Variants in MT1F observed in about 807,000 individuals in gnomAD.
MT1F encodes metallothionein-1F.
A neutral mutation model predicts 5.4 loss-of-function variants in MT1F; 6 were observed. The observed-to-expected ratio is 1.11, with a 90% confidence interval of 0.61 to 2.19. The LOEUF (loss-of-function observed/expected upper bound fraction) is 2.19, where lower values mean the gene tolerates loss of function less well. Among genes scored for constraint, MT1F ranks in the 30% most tolerant of loss-of-function variants. The pLI is 0.00. For missense variants in MT1F, 82 were observed against 77.0 expected, an observed-to-expected ratio of 1.07 and a Z score of -0.24; for synonymous variants, 28 against 28.3, an observed-to-expected ratio of 0.99 and a Z score of 0.04.
At chr16:56,658,918 C>A in intron 2 of MT1F, 155 bp from the exon 3 acceptor site, 2 of 1,048,488 alleles carry the variant, frequency 1.9e-6, no homozygotes, top group African/African-American at 1.6e-5. Context: ...CATAGGAAGA[C>A]CCACCCCAGA....
At chr16:56,658,814 G>T (rs1439827787) in intron 2 of MT1F, 74 bp downstream of exon 2, 2 of 1,560,306 alleles carry the variant, frequency 1.3e-6, no homozygotes, top group Non-Finnish European at 1.8e-6. Context: ...GGCCCTGAGT[G>T]CATGCTTCTG....
intron 1 of MT1F, chr16:56,658,436 G>A (rs1597076287): frequency 3.3e-6 from 2 of 598,780 alleles, no homozygotes; most frequent in East Asian, 2.8e-5. Context: ...CGAAGTCGCC[G>A]TCTTCCCAGG....
chr16:56,658,510 A>T (rs935188070), intron 1 of MT1F, 165 bp from the exon 2 acceptor site: 1 of 701,604 alleles, frequency 1.4e-6, no homozygotes, highest in Non-Finnish European at 2.4e-6. Context: ...CCTTCCCAGC[A>T]TGAAGGGAGA....
At chr16:56,658,633 G>C (rs576797656) in intron 1 of MT1F, 42 bp from the exon 2 acceptor site, 38 of 1,608,340 alleles carry the variant, frequency 2.4e-5, no homozygotes, top group Non-Finnish European at 3.0e-5. Context: ...ACCTCCTGCA[G>C]GTCACTCGCC....
At position 56,658,752 on chromosome 16, in the gene MT1F, G is replaced by C. The variant is rs118187843; in HGVS notation, c.94+12G>C. The C allele has an allele frequency of 6.2e-7, 1 of 1,614,080 alleles. No homozygotes were observed. Among genetic ancestry groups the C allele is most frequent in the Non-Finnish European group, 8.5e-7 (1 of 1,180,024 alleles). ...CTCCTGCAAGAAGAGTGAGTGTGAG[G>C]CCATCTCCATGGTCTGGGGCTGTGG... On this transcript the variant is annotated intron_variant, in intron 2 of 2. Coordinates refer to ENST00000334350, the MANE Select transcript of MT1F (RefSeq NM_005949.4).
rs201000842 is a variant in MT1F, at chr16:56,658,641, G to A, written c.29-34G>A. The A allele has an allele frequency of 2.0e-4, 318 of 1,612,796 alleles. 1 individual carries two copies. The African/African-American group carries it at 3.7e-3, about 19-fold the overall frequency. On this transcript the variant is annotated intron_variant, in intron 1 of 2. Coordinates refer to ENST00000334350, the MANE Select transcript of MT1F (RefSeq NM_005949.4). ...CTGCTGTACCTCCTGCAGGTCACTC[G>A]CCGCTCACTGGCTTTTTTTTCTCTT...
intron 2 of MT1F, 106 bp downstream of exon 2, chr16:56,658,846 C>A: frequency 6.9e-7 from 1 of 1,439,288 alleles, no homozygotes; most frequent in Non-Finnish European, 9.8e-7. Context: ...TTCCTTTGTC[C>A]CCGTAGGTTG....
At chr16:56,658,438 C>T in intron 1 of MT1F, 1 of 600,962 alleles carries the variant, frequency 1.7e-6, no homozygotes, top group Non-Finnish European at 2.9e-6. Flanking sequence ...AAGTCGCCGT[C>T]TTCCCAGGCT....
At position 56,659,080 on chromosome 16, in the gene MT1F, C is replaced by T. The variant is rs199945490; in HGVS notation, c.102C>T (p.Cys34=). The T allele has an allele frequency of 1.0e-4, 166 of 1,613,798 alleles. No individual in the cohort carries two copies. The East Asian group carries it at 2.4e-3, about 23-fold the overall frequency. ...CKCTSCKKSC[C]SCCPVGCSKC... The stretch of plus-strand genomic sequence containing the variant: ...GCTCCTCTTCTTCCCCAGGCTGCTG[C>T]TCCTGCTGCCCCGTGGGCTGTAGCA... The change falls in exon 3 of 3, where the codon TGC becomes TGT. Residue 34 remains cysteine, a synonymous_variant. Coordinates refer to ENST00000334350, the MANE Select transcript of MT1F (RefSeq NM_005949.4).
In MT1F at chr16:56,658,925, C is replaced by G. The variant is rs1567351147; in HGVS notation, c.95-148C>G. On this transcript the variant is annotated intron_variant, in intron 2 of 2. Transcript: ENST00000334350. Reference sequence around the variant, plus strand: ...AGCTTTCTCATAGGAAGACCCACCCCAGATATTTCCCAGTTGTCTCCTGAC... The same window carrying G: ...AGCTTTCTCATAGGAAGACCCACCCGAGATATTTCCCAGTTGTCTCCTGAC... 2.9e-6 allele frequency: 3 copies of G among 1,038,610 alleles called. No individual in the cohort carries two copies. In the Admixed American group the frequency reaches 5.6e-5, roughly 19 times the overall value. The allele number at this position is 1,038,610 out of a possible 1,614,324, so 64.3% of individuals were successfully genotyped here. A position where few individuals can be genotyped will look rare whatever the true frequency, so the allele number is the denominator to read the frequency against.
At chr16:56,658,904 T>C in intron 2 of MT1F, 164 bp downstream of exon 2, 1 of 1,102,740 alleles carries the variant, frequency 9.1e-7, no homozygotes, top group Non-Finnish European at 1.4e-6. Flanking sequence ...CTGGGCAGCT[T>C]TCTCATAGGA....
At chr16:56,659,018 A>T (rs1441308859) in intron 2 of MT1F, 55 bp from the exon 3 acceptor site, 5 of 1,490,688 alleles carry the variant, frequency 3.4e-6, no homozygotes, top group Non-Finnish European at 3.7e-6. Context: ...TCTGTTGGGG[A>T]GGGAGGTCCC....
chr16:56,658,555 G>C (rs1960649448), intron 1 of MT1F, 120 bp from the exon 2 acceptor site: 2 of 1,010,644 alleles, frequency 2.0e-6, no homozygotes, highest in African/African-American at 3.2e-5. Flanking sequence ...CTCTGAGTGG[G>C]AAAGGAGCTC....
At position 56,658,660 on chromosome 16, in the gene MT1F, TTC is replaced by T. The variant is rs1491021663; in HGVS notation, c.29-11_29-10del. 4.3e-6 allele frequency: 7 copies of T among 1,614,056 alleles called. No individual in the cohort carries two copies. The highest frequency in any genetic ancestry group is 1.1e-5 in the South Asian group (1 of 91,090). Reference sequence around the variant, plus strand: ...TCACTCGCCGCTCACTGGCTTTTTTTTCTCTTTCTCGCAGGTGTCTCCTGCAC... The same window carrying T: ...TCACTCGCCGCTCACTGGCTTTTTTTTCTTTCTCGCAGGTGTCTCCTGCAC... On this transcript the variant is annotated splice_polypyrimidine_tract_variant and intron_variant, in intron 1 of 2. Coordinates refer to ENST00000334350, the MANE Select transcript of MT1F (RefSeq NM_005949.4).
At chr16:56,658,859 A>G in intron 2 of MT1F, 119 bp downstream of exon 2, 1 of 1,348,682 alleles carries the variant, frequency 7.4e-7, no homozygotes, top group Non-Finnish European at 1.1e-6. Flanking sequence ...GTAGGTTGTC[A>G]CTGCCTTTCT....
Position 56,659,213 on chromosome 16 carries a change from C to T in MT1F, c.*49C>T, listed in dbSNP as rs1353253412. 1.3e-6 allele frequency: 2 copies of T among 1,590,646 alleles called. No individual in the cohort carries two copies. Among genetic ancestry groups the T allele is most frequent in the African/African-American group, 2.7e-5 (2 of 73,916 alleles). The stretch of plus-strand genomic sequence containing the variant: ...ATGTAAACAGAGAGACATGTACAAA[C>T]CTGGATTTTTTTTTTATACCACCTT... On this transcript the variant is annotated 3_prime_UTR_variant, in exon 3 of 3. Transcript: ENST00000334350.
In MT1F at chr16:56,659,137, G is replaced by T. The variant is rs147536970; in HGVS notation, c.159G>T (p.Ala53=). 4 of 1,614,030 alleles carry T rather than the reference G, an allele frequency of 2.5e-6. No individual in the cohort carries two copies. Among genetic ancestry groups the T allele is most frequent in the Non-Finnish European group, 3.4e-6 (4 of 1,180,016 alleles). Residue 53 remains alanine, a synonymous_variant, in exon 3 of 3, where the codon GCG becomes GCT. Transcript: ENST00000334350. ...CCCAGGGCTGTGTTTGCAAAGGGGC[G>T]TCAGAGAAGTGCAGCTGCTGCGACT... ...KCAQGCVCKG[A]SEKCSCCD
At chr16:56,658,612 C>T (rs1330286180) in intron 1 of MT1F, 63 bp from the exon 2 acceptor site, 2 of 1,552,880 alleles carry the variant, frequency 1.3e-6, no homozygotes, top group Admixed American at 1.7e-5. Flanking sequence ...GACTCATTAA[C>T]TCACTGCTGT....
At chr16:56,658,975 G>A in intron 2 of MT1F, 98 bp from the exon 3 acceptor site, 3 of 1,156,388 alleles carry the variant, frequency 2.6e-6, no homozygotes, top group Non-Finnish European at 3.9e-6. Flanking sequence ...CTGAACTGAG[G>A]GTCCTTTGTG....
Sources: allele counts gnomAD v4.1 joint callset, GRCh38; gene constraint gnomAD v4.1.1; transcripts MANE v1.5; gene names NCBI Gene and HGNC (gene_info 2026-07-23, HGNC 2026-07-21).